ATP8A2: variants seen among roughly 807,000 people sequenced by gnomAD.
The protein encoded by ATP8A2 is phospholipid-transporting ATPase IB.
In ATP8A2, 100 loss-of-function variants were observed where a neutral mutation model predicts 165.6. That is an observed-to-expected ratio of 0.60 (90% CI 0.51 to 0.71). The LOEUF (loss-of-function observed/expected upper bound fraction) is 0.71. Among genes scored for constraint, ATP8A2 ranks in the 30% least tolerant of loss-of-function variants. The pLI is 0.00. For synonymous variants in ATP8A2, 543 were observed against 548.8 expected (o/e 0.99, Z 0.15); for missense variants, 1,227 against 1,479.5 (o/e 0.83, Z 2.80).
intron 35 of ATP8A2, among the ~76,000 whole-genome samples, chr13:25,984,567 T>C (rs7993368): frequency 0.23 from 33,916 of 149,966 alleles, 4,695 homozygotes; most frequent in East Asian, 0.54. Flanking sequence ...TTGTGTCCTC[T>C]AGCCTTGCCG....
At position 25,543,283 on chromosome 13, in the gene ATP8A2, AT is replaced by A; in HGVS notation, c.780-3del. The stretch of plus-strand genomic sequence containing the variant: ...TCATTAAATATCATTGTTGTTTTTT[AT>A]TTTTAGCCTTGTTGCCCTTGGGCCT... On this transcript the variant is annotated splice_region_variant and splice_polypyrimidine_tract_variant and intron_variant, in intron 9 of 36. Coordinates refer to ENST00000381655, the MANE Select transcript of ATP8A2 (RefSeq NM_016529.6). The A allele has an allele frequency of 6.4e-7, 1 of 1,551,932 alleles. No homozygotes were observed. The highest frequency in any genetic ancestry group is 8.8e-7 in the Non-Finnish European group (1 of 1,130,186).
chr13:25,862,235 G>A lies in ATP8A2; in HGVS notation c.3076-66G>A, dbSNP rs568503552. On this transcript the variant is annotated intron_variant, in intron 32 of 36. Coordinates refer to ENST00000381655, the MANE Select transcript of ATP8A2 (RefSeq NM_016529.6). ...CTTGGATGCAAGGATTCTGCAGCAA[G>A]TGGAGTTGGGGTGAATCTGCCAGGC... 1.6e-5 allele frequency: 18 copies of A among 1,120,140 alleles called. No individual in the cohort carries two copies. The African/African-American group carries it at 2.7e-4, about 17-fold the overall frequency. The allele number at this position is 1,120,140 out of a possible 1,614,324, so 69.4% of individuals were successfully genotyped here.
At chr13:26,011,500 G>A (rs1260704497) in intron 35 of ATP8A2, among the ~76,000 whole-genome samples, 1 of 152,124 alleles carries the variant, frequency 6.6e-6, no homozygotes. Context: ...ATTTAGAGGG[G>A]ACACCATTCA....
At chr13:25,519,309 T>C (rs190376378) in intron 2 of ATP8A2, among the ~76,000 whole-genome samples, 19 of 152,252 alleles carry the variant, frequency 1.2e-4, no homozygotes, top group Middle Eastern at 6.8e-3. Context: ...TACCCTTCTG[T>C]ATCCTCCTTC....
chr13:25,422,531 A>G (rs1278567088), intron 1 of ATP8A2, among the ~76,000 whole-genome samples: 1 of 152,222 alleles, frequency 6.6e-6, no homozygotes, highest in Non-Finnish European at 1.5e-5. Context: ...AAAATTACCA[A>G]AAGATACTTG....
chr13:25,438,484 T>C (rs138560183), intron 1 of ATP8A2, among the ~76,000 whole-genome samples: 14 of 151,916 alleles, frequency 9.2e-5, no homozygotes, highest in African/African-American at 3.4e-4. Context: ...TACAAAAAAA[T>C]ACAAAAATTA....
At chr13:25,512,869 C>T (rs1328153081) in intron 2 of ATP8A2, among the ~76,000 whole-genome samples, 13 of 139,598 alleles carry the variant, frequency 9.3e-5, no homozygotes, top group South Asian at 4.7e-4. Flanking sequence ...CAGGCAGAGG[C>T]GCCCCTCACC....
intron 2 of ATP8A2, among the ~76,000 whole-genome samples, chr13:25,514,812 C>G (rs1258098632): frequency 6.6e-6 from 1 of 152,170 alleles, no homozygotes; most frequent in African/African-American, 2.4e-5. Flanking sequence ...GCTCTGCAGG[C>G]TGAAACTGTT....
At chr13:25,945,848 C>T (rs889483377) in intron 33 of ATP8A2, among the ~76,000 whole-genome samples, 3 of 152,210 alleles carry the variant, frequency 2.0e-5, no homozygotes, top group Non-Finnish European at 2.9e-5. Context: ...TCATTGGCTC[C>T]ACCTAAGTCA....
intron 13 of ATP8A2, among the ~76,000 whole-genome samples, chr13:25,556,504 C>G (rs1429844434): frequency 6.6e-6 from 1 of 152,062 alleles, no homozygotes; most frequent in Non-Finnish European, 1.5e-5. Flanking sequence ...CTTATAGATT[C>G]TGGATATTAG....
chr13:25,844,161 GAT>G (rs888861644), intron 30 of ATP8A2, among the ~76,000 whole-genome samples: 33 of 152,226 alleles, frequency 2.2e-4, no homozygotes, highest in African/African-American at 7.9e-4. Context: ...AGAGGACCAG[GAT>G]ATGTCAGCTG....
chr13:25,557,849 T>C (rs1391952769), intron 13 of ATP8A2, among the ~76,000 whole-genome samples: 2 of 152,202 alleles, frequency 1.3e-5, no homozygotes, highest in African/African-American at 4.8e-5. Flanking sequence ...AGTTAAAATT[T>C]AGTAGGCAAA....
At chr13:25,892,100 C>T (rs180678083) in intron 33 of ATP8A2, among the ~76,000 whole-genome samples, 19 of 151,804 alleles carry the variant, frequency 1.3e-4, no homozygotes, top group African/African-American at 2.9e-4. Context: ...CTCAGCCTCC[C>T]GAGTAACTGG....
chr13:25,671,723 C>T (rs1442272887), intron 24 of ATP8A2, among the ~76,000 whole-genome samples: 1 of 152,174 alleles, frequency 6.6e-6, no homozygotes, highest in Non-Finnish European at 1.5e-5. Flanking sequence ...TTATCAATGA[C>T]AACGGTGGCC....
chr13:25,441,046 A>G (rs534599540), intron 1 of ATP8A2, among the ~76,000 whole-genome samples: 55 of 152,326 alleles, frequency 3.6e-4, no homozygotes, highest in South Asian at 4.1e-4. Context: ...AGTCATCAAA[A>G]GGAAAACTAT....
rs55811611 is a variant in ATP8A2 at position 25,813,104 on chromosome 13, C to T, written c.2680-15014C>T. On this transcript the variant is annotated intron_variant, in intron 27 of 36. Coordinates refer to ENST00000381655, the MANE Select transcript of ATP8A2 (RefSeq NM_016529.6). ...AGCATCAGGAAAAATAGCTAAGGCA[C>T]GCTGGACTTAATGCCTAGGTAATGG... 9.5e-3 allele frequency among the ~76,000 whole-genome samples: 1,451 copies of T among 152,094 alleles called. 13 individuals carry two copies. Among genetic ancestry groups the T allele is most frequent in the Non-Finnish European group, 0.015 (1,004 of 67,996 alleles).
At chr13:25,450,920 G>A (rs2035208032) in intron 1 of ATP8A2, among the ~76,000 whole-genome samples, 1 of 152,020 alleles carries the variant, frequency 6.6e-6, no homozygotes, top group Non-Finnish European at 1.5e-5. Context: ...ACTGTGCTGG[G>A]CCTTGATGTG....
intron 27 of ATP8A2, among the ~76,000 whole-genome samples, chr13:25,823,981 T>C (rs999540646): frequency 7.2e-5 from 11 of 151,986 alleles, no homozygotes; most frequent in African/African-American, 2.7e-4. Context: ...GTGTCAGTTC[T>C]TTTTTTTGAG....
At chr13:25,981,343 A>G (rs1376300458) in intron 35 of ATP8A2, among the ~76,000 whole-genome samples, 1 of 152,250 alleles carries the variant, frequency 6.6e-6, no homozygotes, top group African/African-American at 2.4e-5. Flanking sequence ...CTGACATAAT[A>G]TAACAGTCAC....
Sources: gnomAD v4.1 joint callset for allele counts (sites outside exome capture counted in the v4.1 genomes callset) on GRCh38, gnomAD v4.1.1 for gene constraint, MANE v1.5 for transcripts, NCBI Gene and HGNC (gene_info 2026-07-23, HGNC 2026-07-21) for gene names.